The following SDK1 variants were observed in gnomAD, a reference collection of about 807,000 sequenced individuals.
The protein encoded by SDK1 is protein sidekick-1.
Under a neutral mutation model 245.5 loss-of-function variants are expected in SDK1, and 157 were observed. That is an observed-to-expected ratio of 0.64 (90% CI 0.56 to 0.73). SDK1 has a LOEUF of 0.73. SDK1 is among the 30% of genes least tolerant of loss of function. The pLI is 0.00. For synonymous variants in SDK1, 1,647 were observed against 1,278.5 expected (o/e 1.29, Z -6.15); for missense variants, 3,583 against 3,002.3 (o/e 1.19, Z -4.52).
intron 28 of SDK1, among the ~76,000 whole-genome samples, chr7:4,136,450 A>C (rs1779098822): frequency 6.6e-6 from 1 of 152,216 alleles, no homozygotes; most frequent in Admixed American, 6.5e-5. Flanking sequence ...CTGCCGCCCG[A>C]GCTTTTGTAA....
chr7:3,809,908 C>T (rs926555059), intron 4 of SDK1, among the ~76,000 whole-genome samples: 4 of 152,212 alleles, frequency 2.6e-5, no homozygotes, highest in Admixed American at 2.0e-4. Context: ...TTCCCCAACT[C>T]AGCTCACGAA....
chr7:3,429,860 G>C (rs981253733), intron 1 of SDK1, among the ~76,000 whole-genome samples: 1 of 151,992 alleles, frequency 6.6e-6, no homozygotes, highest in Non-Finnish European at 1.5e-5. Context: ...CAATGAGTTG[G>C]GATTACAGGC....
intron 22 of SDK1, among the ~76,000 whole-genome samples, chr7:4,092,588 C>T (rs867581639): frequency 1.4e-4 from 22 of 152,308 alleles, no homozygotes; most frequent in Middle Eastern, 6.8e-3. Context: ...GCCTCTCACC[C>T]GGGAAGCGGT....
intron 1 of SDK1, among the ~76,000 whole-genome samples, chr7:3,555,857 T>C (rs185672076): frequency 1.3e-5 from 2 of 152,274 alleles, no homozygotes; most frequent in Admixed American, 6.5e-5. Context: ...AAAACCATTA[T>C]ACAACAAGGT....
intron 5 of SDK1, among the ~76,000 whole-genome samples, chr7:3,868,667 C>T (rs1037263142): frequency 1.3e-5 from 2 of 152,194 alleles, no homozygotes; most frequent in Admixed American, 1.3e-4. Context: ...AAAGTCTAGA[C>T]TTGCATCCCA....
At chr7:3,718,679 C>G (rs556737218) in intron 4 of SDK1, among the ~76,000 whole-genome samples, 7 of 152,024 alleles carry the variant, frequency 4.6e-5, no homozygotes, top group Non-Finnish European at 1.0e-4. Context: ...CAGAAACTTA[C>G]AACTAATACA....
At chr7:4,124,822 A>G (rs1408019190) in intron 25 of SDK1, among the ~76,000 whole-genome samples, 2 of 152,224 alleles carry the variant, frequency 1.3e-5, no homozygotes, top group Non-Finnish European at 2.9e-5. Context: ...GAAGGAATAG[A>G]TGAGTGAATG....
At chr7:3,994,505 G>T (rs1410361816) in intron 14 of SDK1, among the ~76,000 whole-genome samples, 2 of 151,850 alleles carry the variant, frequency 1.3e-5, no homozygotes, top group African/African-American at 4.8e-5. Flanking sequence ...AGCCAGGTGT[G>T]GTGGCTCATG....
chr7:3,473,394 A>G (rs1781244631), intron 1 of SDK1, among the ~76,000 whole-genome samples: 1 of 152,214 alleles, frequency 6.6e-6, no homozygotes, highest in Non-Finnish European at 1.5e-5. Context: ...CTTTTAAAAT[A>G]CTTTATAGAT....
chr7:3,801,266 G>A (rs1779099773), intron 4 of SDK1, among the ~76,000 whole-genome samples: 1 of 152,080 alleles, frequency 6.6e-6, no homozygotes, highest in South Asian at 2.1e-4. Context: ...ATTCTTTGTG[G>A]TTGGGTTAAT....
intron 1 of SDK1, among the ~76,000 whole-genome samples, chr7:3,340,760 C>G (rs1390194564): frequency 9.0e-6 from 1 of 111,610 alleles, no homozygotes; most frequent in East Asian, 2.5e-4. Context: ...GAGCAAGACC[C>G]CGTCTCAAAA....
intron 1 of SDK1, among the ~76,000 whole-genome samples, chr7:3,548,460 A>G (rs1779300205): frequency 6.6e-6 from 1 of 152,222 alleles, no homozygotes; most frequent in African/African-American, 2.4e-5. Flanking sequence ...ACGAGTCCCA[A>G]AGATGAGAGG....
intron 1 of SDK1, among the ~76,000 whole-genome samples, chr7:3,410,742 A>G (rs915160626): frequency 6.6e-6 from 1 of 151,944 alleles, no homozygotes; most frequent in Non-Finnish European, 1.5e-5. Context: ...ACACACTACC[A>G]TGCCCAACTA....
chr7:3,521,442 CTCTT>C (rs536832023), intron 1 of SDK1, among the ~76,000 whole-genome samples: 60 of 152,292 alleles, frequency 3.9e-4, no homozygotes, highest in African/African-American at 1.3e-3. Flanking sequence ...TACAAACATA[CTCTT>C]TCTATCTGTT....
chr7:4,261,210 T>TG (rs1787981732), intron 44 of SDK1, among the ~76,000 whole-genome samples: 1 of 152,144 alleles, frequency 6.6e-6, no homozygotes, highest in Non-Finnish European at 1.5e-5. Context: ...TGCCGGACGG[T>TG]GTCGGCTCAT....
intron 14 of SDK1, among the ~76,000 whole-genome samples, chr7:4,008,526 C>A (rs556157874): frequency 6.6e-6 from 1 of 152,182 alleles, no homozygotes; most frequent in Non-Finnish European, 1.5e-5. Flanking sequence ...AAACTAATCC[C>A]GGTTGGCTGA....
chr7:3,622,718 A>G lies in SDK1; in HGVS notation c.458+3479A>G, dbSNP rs1307618360. On this transcript the variant is annotated intron_variant, in intron 2 of 44. Transcript: ENST00000404826. ...GTATTGAAGCAAGATTGAGGGAGTG[A>G]CTCGTTATATGTGGACTATTAAAAT... Among the ~76,000 whole-genome samples, 8 of 152,234 alleles carry G rather than the reference A, an allele frequency of 5.3e-5. No individual in the cohort carries two copies. In the East Asian group the frequency reaches 1.5e-3, roughly 29 times the overall value.
intron 5 of SDK1, among the ~76,000 whole-genome samples, chr7:3,872,154 T>A (rs115436667): frequency 0.051 from 7,788 of 152,264 alleles, 632 homozygotes; most frequent in African/African-American, 0.17. Flanking sequence ...TAATAATATG[T>A]TATTCTTTCG....
chr7:4,175,975 A>G, intron 34 of SDK1, 141 bp downstream of exon 34: 2 of 683,060 alleles, frequency 2.9e-6, no homozygotes, highest in East Asian at 2.7e-5. Flanking sequence ...CTGCGTCTCC[A>G]CATACCAAAC....
Sources: gnomAD v4.1 joint callset for allele counts (sites outside exome capture counted in the v4.1 genomes callset) on GRCh38, gnomAD v4.1.1 for gene constraint, MANE v1.5 for transcripts, NCBI Gene and HGNC (gene_info 2026-07-23, HGNC 2026-07-21) for gene names.